Variants in CD9 observed in about 807,000 individuals in gnomAD.
CD9 encodes CD9 molecule.
CD9 carries 10 observed loss-of-function variants against 31.4 expected under a neutral mutation model. The observed-to-expected ratio is 0.32, with a 90% CI of 0.20 to 0.54. The LOEUF (loss-of-function observed/expected upper bound fraction) is 0.54. Ranked by LOEUF, CD9 falls within the 20% of genes least tolerant of loss-of-function variation. CD9 has a pLI of 0.94. For missense variants in CD9, 259 were observed against 300.1 expected (o/e 0.86, Z 1.01); for synonymous variants, 113 against 114.1 (o/e 0.99, Z 0.06).
chr12:6,202,220 C>A (rs1010521747), intron 1 of CD9, among the ~76,000 whole-genome samples: 1 of 152,250 alleles, frequency 6.6e-6, no homozygotes, highest in South Asian at 2.1e-4. Flanking sequence ...TAACACACAC[C>A]CCAGTGAGGA....
chr12:6,225,078 G>T (rs961378034), intron 1 of CD9: 3 of 256,020 alleles, frequency 1.2e-5, no homozygotes, highest in Non-Finnish European at 2.2e-5. Flanking sequence ...TATTGTGTGT[G>T]TGCCTGTGGC....
At chr12:6,227,579 C>T (rs965614462) in intron 2 of CD9, among the ~76,000 whole-genome samples, 3 of 152,200 alleles carry the variant, frequency 2.0e-5, no homozygotes, top group Admixed American at 6.5e-5. Context: ...ATCCCCTTAG[C>T]TCTACGAGGA....
intron 1 of CD9, among the ~76,000 whole-genome samples, chr12:6,203,991 C>G (rs1293983272): frequency 6.6e-6 from 1 of 152,132 alleles, no homozygotes; most frequent in African/African-American, 2.4e-5. Context: ...GCTGGGAGGT[C>G]TCTTTCCCAA....
At chr12:6,205,764 T>C (rs1946124068) in intron 1 of CD9, among the ~76,000 whole-genome samples, 1 of 152,238 alleles carries the variant, frequency 6.6e-6, no homozygotes, top group Admixed American at 6.5e-5. Flanking sequence ...CAAACCTTGA[T>C]GGTTCTTGCC....
At chr12:6,225,762 A>G in intron 2 of CD9, 4 of 557,318 alleles carry the variant, frequency 7.2e-6, no homozygotes, top group Middle Eastern at 4.8e-4. Flanking sequence ...CAAGTCAGGC[A>G]TGTTGATGGT....
chr12:6,219,746 A>G (rs1038807992), intron 1 of CD9, among the ~76,000 whole-genome samples: 3 of 152,096 alleles, frequency 2.0e-5, no homozygotes, highest in Non-Finnish European at 2.9e-5. Flanking sequence ...CGGCCTCCCA[A>G]AGTGCTGGGA....
At chr12:6,226,907 A>G (rs926276218) in intron 2 of CD9, among the ~76,000 whole-genome samples, 3 of 151,660 alleles carry the variant, frequency 2.0e-5, no homozygotes, top group African/African-American at 4.8e-5. Context: ...GACTCTCCAC[A>G]CTCCACGCCG....
intron 2 of CD9, among the ~76,000 whole-genome samples, chr12:6,229,811 C>T (rs1039117943): frequency 6.6e-6 from 1 of 151,648 alleles, no homozygotes. Context: ...TGCTGCTACA[C>T]CAGCCTTTCT....
intron 4 of CD9, among the ~76,000 whole-genome samples, chr12:6,234,697 G>A (rs576779623): frequency 1.3e-5 from 2 of 152,314 alleles, no homozygotes; most frequent in Non-Finnish European, 2.9e-5. Context: ...TAGCTGGCAC[G>A]TGCTCCAGAT....
intron 1 of CD9, among the ~76,000 whole-genome samples, chr12:6,207,524 T>A (rs750406664): frequency 2.6e-5 from 4 of 152,248 alleles, no homozygotes; most frequent in Middle Eastern, 3.2e-3. Flanking sequence ...TCCAGCCAGG[T>A]TGGGCCTCTT....
intron 4 of CD9, chr12:6,234,352 T>C (rs1946488822): frequency 6.6e-6 from 1 of 152,004 alleles, no homozygotes; most frequent in East Asian, 1.9e-4. Flanking sequence ...TTCTTGAGAC[T>C]AGTCAAGCGC....
chr12:6,200,498 C>T lies in CD9; in HGVS notation c.-2C>T, dbSNP rs760343579. The stretch of plus-strand genomic sequence containing the variant: ...TCGGCCCAGGCTAAGTTAGCCCTCA[C>T]CATGCCGGTCAAAGGAGGCACCAAG... On this transcript the variant is annotated 5_prime_UTR_variant, in exon 1 of 8. Coordinates refer to ENST00000009180, the MANE Select transcript of CD9 (RefSeq NM_001769.4). 136 of 1,609,316 alleles carry T rather than the reference C, an allele frequency of 8.5e-5. No individual in the cohort carries two copies. Among genetic ancestry groups the T allele is most frequent in the Non-Finnish European group, 1.1e-4 (127 of 1,176,424 alleles).
intron 1 of CD9, among the ~76,000 whole-genome samples, chr12:6,206,462 G>A (rs577837235): frequency 1.3e-5 from 2 of 152,170 alleles, no homozygotes; most frequent in South Asian, 4.2e-4. Flanking sequence ...AGGCTCAAGC[G>A]ATCTGCCAAC....
chr12:6,206,759 A>G (rs544819025), intron 1 of CD9, among the ~76,000 whole-genome samples: 1 of 152,210 alleles, frequency 6.6e-6, no homozygotes, highest in East Asian at 1.9e-4. Context: ...TTAGTTGTGG[A>G]TAGTTTTAAG....
At chr12:6,206,570 C>A (rs573871029) in intron 1 of CD9, among the ~76,000 whole-genome samples, 131 of 152,280 alleles carry the variant, frequency 8.6e-4, no homozygotes, top group African/African-American at 3.1e-3. Context: ...AGATTACTTG[C>A]CTGTTTTATT....
At chr12:6,223,407 G>T (rs892860420) in intron 1 of CD9, among the ~76,000 whole-genome samples, 2 of 152,074 alleles carry the variant, frequency 1.3e-5, no homozygotes, top group African/African-American at 4.8e-5. Flanking sequence ...GACTACAGGC[G>T]CCCGCCACCA....
intron 1 of CD9, among the ~76,000 whole-genome samples, chr12:6,221,926 C>A (rs113472037): frequency 0.012 from 1,890 of 152,158 alleles, 21 homozygotes; most frequent in Non-Finnish European, 0.015. Flanking sequence ...GCCCAGGAGT[C>A]CAAGGCTACA....
intron 1 of CD9, among the ~76,000 whole-genome samples, chr12:6,209,685 T>C (rs953017847): frequency 5.5e-5 from 3 of 54,848 alleles, no homozygotes; most frequent in East Asian, 1.5e-3. Flanking sequence ...ATTTCTTTTT[T>C]TTTTTTTTTT....
chr12:6,220,205 G>A (rs1432672838), intron 1 of CD9, among the ~76,000 whole-genome samples: 1 of 152,206 alleles, frequency 6.6e-6, no homozygotes, highest in African/African-American at 2.4e-5. Context: ...GGGTGGGGAA[G>A]CAGCAGGCTT....
Sources: gnomAD v4.1 joint callset for allele counts (sites outside exome capture counted in the v4.1 genomes callset) on GRCh38, gnomAD v4.1.1 for gene constraint, MANE v1.5 for transcripts, NCBI Gene and HGNC (gene_info 2026-07-23, HGNC 2026-07-21) for gene names.